PIGX: variants seen among roughly 807,000 people sequenced by gnomAD.
The protein encoded by PIGX is GPI alpha-1,4-mannosyltransferase I, stabilizing subunit.
Under a neutral mutation model 28.7 loss-of-function variants are expected in PIGX, and 24 were observed. The observed-to-expected ratio is 0.84, with a 90% CI of 0.60 to 1.17. The LOEUF (loss-of-function observed/expected upper bound fraction) is 1.17, where lower values mean the gene tolerates loss of function less well. Among genes scored for constraint, PIGX ranks in the 50% most tolerant of loss-of-function variants. PIGX has a pLI of 0.00. For missense variants in PIGX, 305 were observed against 317.8 expected, an observed-to-expected ratio of 0.96 and a Z score of 0.31; for synonymous variants, 127 against 121.0, an observed-to-expected ratio of 1.05 and a Z score of -0.33.
chr3:196,731,217 A>C (rs544326178), intron 5 of PIGX, 125 bp downstream of exon 5: 1 of 431,046 alleles, frequency 2.3e-6, no homozygotes, highest in Non-Finnish European at 4.3e-6. Context: ...TCGCTCTGTC[A>C]CCCAGGCTGG....
At chr3:196,731,155 G>A in intron 5 of PIGX, 63 bp downstream of exon 5, 1 of 870,322 alleles carries the variant, frequency 1.1e-6, no homozygotes, top group Non-Finnish European at 1.8e-6. Flanking sequence ...TTTCTGTAAT[G>A]TTCCTGCCAC....
chr3:196,723,906 A>G (rs1222311119), intron 3 of PIGX, among the ~76,000 whole-genome samples: 1 of 152,062 alleles, frequency 6.6e-6, no homozygotes, highest in East Asian at 1.9e-4. Context: ...ATGCAATGAT[A>G]ACATTCTGCC....
At chr3:196,716,247 T>C (rs1712093142) in intron 1 of PIGX, among the ~76,000 whole-genome samples, 1 of 149,840 alleles carries the variant, frequency 6.7e-6, no homozygotes, top group Admixed American at 6.8e-5. Context: ...GTTGAACCTT[T>C]ACGTGCCTCC....
chr3:196,716,788 T>C (rs1212610410), intron 1 of PIGX, 70 bp from the exon 2 acceptor site: 2 of 745,768 alleles, frequency 2.7e-6, no homozygotes, highest in Non-Finnish European at 4.0e-6. Context: ...AAATAACTCT[T>C]TTATAATTAT....
chr3:196,732,171 A>G (rs1463279328), intron 5 of PIGX, among the ~76,000 whole-genome samples: 1 of 142,940 alleles, frequency 7.0e-6, no homozygotes, highest in Non-Finnish European at 1.5e-5. Context: ...AGGTCATAAT[A>G]ATTTAACACT....
chr3:196,720,567 A>G (rs1712282957), intron 2 of PIGX, among the ~76,000 whole-genome samples: 1 of 152,218 alleles, frequency 6.6e-6, no homozygotes, highest in South Asian at 2.1e-4. Flanking sequence ...TTGCTGGATC[A>G]TGTGATAATT....
In PIGX at chr3:196,713,948, G is replaced by A. The variant is rs76922587; in HGVS notation, c.112+1304G>A. Among the ~76,000 whole-genome samples the A allele has an allele frequency of 1.9e-3, 291 of 151,962 alleles. 1 individual carries two copies. The highest frequency in any genetic ancestry group is 6.5e-3 in the African/African-American group (269 of 41,432). On this transcript the variant is annotated intron_variant, in intron 1 of 5. Coordinates refer to ENST00000392391, the MANE Select transcript of PIGX (RefSeq NM_017861.4). ...AGGTAAATTCACATTCAACAAATTC[G>A]TTTTAAAAATGGTACTTTTGCCTTT...
intron 1 of PIGX, 72 bp downstream of exon 1, chr3:196,712,716 G>C: frequency 8.8e-7 from 1 of 1,134,590 alleles, no homozygotes; most frequent in South Asian, 4.4e-5. Context: ...GGCGGGTTGC[G>C]GGGATGTGGG....
At position 196,712,497 on chromosome 3, in the gene PIGX, C is replaced by T. The variant is rs542000286; in HGVS notation, c.-36C>T. The T allele has an allele frequency of 1.8e-5, 19 of 1,052,572 alleles. No homozygotes were observed. The highest frequency in any genetic ancestry group is 2.1e-5 in the Non-Finnish European group (18 of 846,260). 65.2% of individuals were successfully genotyped at this position (1,052,572 alleles called of 1,614,324 possible). On this transcript the variant is annotated 5_prime_UTR_variant, in exon 1 of 6. Transcript: ENST00000392391. ...CCCCTTCCTGCGTCCGCACCTGGCCCCGCGCGCCCCTCTCGGGCGTCCGGC... is the reference window on the plus strand; with the variant it reads ...CCCCTTCCTGCGTCCGCACCTGGCCTCGCGCGCCCCTCTCGGGCGTCCGGC...
chr3:196,718,367 G>A (rs996023165), intron 2 of PIGX, among the ~76,000 whole-genome samples: 35 of 152,088 alleles, frequency 2.3e-4, no homozygotes, highest in African/African-American at 8.2e-4. Context: ...AAGTATATTT[G>A]TGTTAGGTTT....
rs201249527 is a variant in PIGX, at chr3:196,733,321, TA to T, written c.634-434del. ...AGTGTAGCACTGGCTGAAATATATT[TA>T]AAAGAAAAAGGAAATAAAAATATCC... On this transcript the variant is annotated intron_variant, in intron 5 of 5. Transcript: ENST00000392391. This position sits in a 1 kb window ranked among gnomAD's most constrained non-coding sequence, Gnocchi z 4.3. Among the ~76,000 whole-genome samples, 2,440 of 152,250 alleles carry T rather than the reference TA, an allele frequency of 0.016. 26 individuals carry two copies. Among genetic ancestry groups the T allele is most frequent in the Middle Eastern group, 0.031 (9 of 294 alleles).
chr3:196,722,431 G>A lies in PIGX; in HGVS notation c.193G>A (p.Val65Met). The A allele has an allele frequency of 6.2e-7, 1 of 1,611,524 alleles. No individual in the cohort carries two copies. Among genetic ancestry groups the A allele is most frequent in the Non-Finnish European group, 8.5e-7 (1 of 1,178,316 alleles). The change falls in exon 3 of 6, where the codon GTG becomes ATG. Residue 65 changes from valine to methionine, a missense_variant. Physicochemically the swap from Val to Met is conservative, Grantham distance 21. Coordinates refer to ENST00000392391, the MANE Select transcript of PIGX (RefSeq NM_017861.4). ...GTCTTACAGAGACCTTTTAATCAAA[G>A]TGAAGTTTGGGGAAAGCATTGAGGA...
At position 196,735,659 on chromosome 3, in the gene PIGX, C is replaced by T. The variant is rs1423150429; in HGVS notation, c.*1757C>T. The T allele has an allele frequency of 2.0e-5, 3 of 152,138 alleles. No homozygotes were observed. Among genetic ancestry groups the T allele is most frequent in the Non-Finnish European group, 4.4e-5 (3 of 68,024 alleles). The allele number at this position is 152,138 out of a possible 1,614,324, so 9.4% of individuals were successfully genotyped here. A position where few individuals can be genotyped will look rare whatever the true frequency, so the allele number is the denominator to read the frequency against. ...GTTTCATACCTATTTCATGCTTTCT[C>T]GTAAGAAAGAATTTCATGTTTTAGA... On this transcript the variant is annotated 3_prime_UTR_variant, in exon 6 of 6. Transcript: ENST00000392391.
Position 196,727,726 on chromosome 3 carries a change from A to G in PIGX, c.319-197A>G, listed in dbSNP as rs1370701979. Among the ~76,000 whole-genome samples the G allele has an allele frequency of 2.0e-5, 3 of 152,266 alleles. No individual in the cohort carries two copies. The East Asian group carries it at 5.8e-4, about 29-fold the overall frequency. On this transcript the variant is annotated intron_variant, in intron 3 of 5. Transcript: ENST00000392391. ...ATAATTTCCCCAGTTTTTTTTTAGTAAGCAGACTTTTATTAAGCATAAATT... is the reference window on the plus strand; with the variant it reads ...ATAATTTCCCCAGTTTTTTTTTAGTGAGCAGACTTTTATTAAGCATAAATT...
intron 3 of PIGX, chr3:196,726,704 T>C: frequency 2.2e-6 from 1 of 456,420 alleles, no homozygotes; most frequent in Non-Finnish European, 4.4e-6. Context: ...AATTGAAGGA[T>C]CCCTAGTGGA....
At chr3:196,718,857 T>G (rs998522927) in intron 2 of PIGX, among the ~76,000 whole-genome samples, 1 of 152,188 alleles carries the variant, frequency 6.6e-6, no homozygotes, top group African/African-American at 2.4e-5. Flanking sequence ...CATTTAGGAT[T>G]GTTCTTGATG....
At chr3:196,719,254 T>C (rs76805526) in intron 2 of PIGX, among the ~76,000 whole-genome samples, 2,292 of 151,922 alleles carry the variant, frequency 0.015, 53 homozygotes, top group African/African-American at 0.049. Context: ...TTTTTATCTA[T>C]TTGTTTTTCT....
At chr3:196,717,302 A>G (rs75791857) in intron 2 of PIGX, among the ~76,000 whole-genome samples, 4 of 151,232 alleles carry the variant, frequency 2.6e-5, no homozygotes, top group African/African-American at 7.3e-5. Flanking sequence ...CTCTGTCTCA[A>G]AAAAAGAAAA....
chr3:196,722,947 G>A (rs1291794455), intron 3 of PIGX, among the ~76,000 whole-genome samples: 2 of 152,210 alleles, frequency 1.3e-5, no homozygotes, highest in East Asian at 3.8e-4. Flanking sequence ...CTATATGCCA[G>A]ATATCTTCAT....
Sources: allele counts gnomAD v4.1 joint callset (sites outside exome capture counted in the v4.1 genomes callset), GRCh38; gene constraint gnomAD v4.1.1; non-coding constraint Gnocchi (gnomAD v3.1); transcripts MANE v1.5; gene names NCBI Gene and HGNC (gene_info 2026-07-23, HGNC 2026-07-21).